LDLRAD4: variants seen among roughly 807,000 people sequenced by gnomAD.
LDLRAD4 encodes low-density lipoprotein receptor class A domain-containing protein 4.
A neutral mutation model predicts 17.0 loss-of-function variants in LDLRAD4; 5 were observed. The observed-to-expected ratio is 0.29, with a 90% CI of 0.15 to 0.62. LDLRAD4 has a LOEUF of 0.62. Among genes scored for constraint, LDLRAD4 ranks in the 20% least tolerant of loss-of-function variants. LDLRAD4 has a pLI of 0.84. For synonymous variants in LDLRAD4, 168 were observed against 171.8 expected, an observed-to-expected ratio of 0.98 and a Z score of 0.17; for missense variants, 340 against 424.7, an observed-to-expected ratio of 0.80 and a Z score of 1.75.
At chr18:13,329,309 C>T (rs182022845) in intron 1 of LDLRAD4, among the ~76,000 whole-genome samples, 2 of 152,278 alleles carry the variant, frequency 1.3e-5, no homozygotes, top group Non-Finnish European at 2.9e-5. Context: ...GCATCTTTGC[C>T]AACAGAGCAT....
intron 1 of LDLRAD4, among the ~76,000 whole-genome samples, chr18:13,281,772 T>C (rs2045292980): frequency 6.6e-6 from 1 of 152,174 alleles, no homozygotes. Flanking sequence ...ATGTCTCCTC[T>C]TACCTCCTGT....
chr18:13,341,699 G>T (rs1257926488), intron 1 of LDLRAD4, among the ~76,000 whole-genome samples: 1 of 152,000 alleles, frequency 6.6e-6, no homozygotes, highest in African/African-American at 2.4e-5. Flanking sequence ...ACTTTACTTT[G>T]TTCTTTCTGA....
At chr18:13,608,253 C>T (rs1287004267) in intron 3 of LDLRAD4, among the ~76,000 whole-genome samples, 1 of 151,932 alleles carries the variant, frequency 6.6e-6, no homozygotes, top group Admixed American at 6.6e-5. Context: ...ACGGCGATCA[C>T]TATTTCTAAT....
chr18:13,505,753 GC>G (rs1252193530), intron 3 of LDLRAD4, among the ~76,000 whole-genome samples: 2 of 152,134 alleles, frequency 1.3e-5, no homozygotes, highest in Non-Finnish European at 2.9e-5. Context: ...GGGAGGCGGA[GC>G]TTGCAGTGAG....
chr18:13,616,478 C>T (rs1044204404), intron 3 of LDLRAD4, among the ~76,000 whole-genome samples: 1 of 152,230 alleles, frequency 6.6e-6, no homozygotes. Flanking sequence ...GTTCTGGCTC[C>T]TGTGACTTAA....
chr18:13,379,246 T>C, intron 1 of LDLRAD4, among the ~76,000 whole-genome samples: 1 of 152,330 alleles, frequency 6.6e-6, no homozygotes, highest in Middle Eastern at 3.4e-3. Context: ...TGAAACAGTG[T>C]GGGGCTGGGC....
intron 2 of LDLRAD4, among the ~76,000 whole-genome samples, chr18:13,410,077 G>A (rs112080035): frequency 2.0e-5 from 3 of 152,080 alleles, no homozygotes; most frequent in African/African-American, 7.2e-5. Flanking sequence ...ATAAGACACC[G>A]CACAGACCCA....
At chr18:13,583,399 T>C (rs2094891879) in intron 3 of LDLRAD4, among the ~76,000 whole-genome samples, 1 of 152,106 alleles carries the variant, frequency 6.6e-6, no homozygotes, top group African/African-American at 2.4e-5. Context: ...GACTGACTTT[T>C]GTTACCGAGA....
chr18:13,391,941 A>G (rs1182288550), intron 2 of LDLRAD4, among the ~76,000 whole-genome samples: 2 of 152,346 alleles, frequency 1.3e-5, no homozygotes, highest in East Asian at 3.9e-4. Flanking sequence ...GTTGTTGGAT[A>G]GTCCACTTTT....
intron 3 of LDLRAD4, among the ~76,000 whole-genome samples, chr18:13,589,775 G>A (rs2094985886): frequency 1.3e-5 from 2 of 152,206 alleles, no homozygotes; most frequent in South Asian, 4.1e-4. Flanking sequence ...GGAGAAGAGG[G>A]TTTGGGAGGA....
In LDLRAD4 at chr18:13,398,891, C is replaced by T. The variant is rs1049030165; in HGVS notation, c.40+11129C>T. On this transcript the variant is annotated intron_variant, in intron 2 of 5. Transcript: ENST00000359446. The surrounding 1 kb of genome is among the most constrained non-coding windows in gnomAD (Gnocchi z 4.8). ...CATTGGTTCCAGTATTGTGTCCACT[C>T]TCATGGAGTATGCTCGTGCGCAGAG... Among the ~76,000 whole-genome samples, 3 of 152,198 alleles carry T rather than the reference C, an allele frequency of 2.0e-5. No individual in the cohort carries two copies. The highest frequency in any genetic ancestry group is 7.2e-5 in the African/African-American group (3 of 41,454).
At chr18:13,256,519 T>G (rs910231528) in intron 1 of LDLRAD4, among the ~76,000 whole-genome samples, 1 of 152,202 alleles carries the variant, frequency 6.6e-6, no homozygotes, top group Non-Finnish European at 1.5e-5. Flanking sequence ...TAGGACAGTT[T>G]TAAAACATTC....
rs2040629814 is a variant in LDLRAD4 at position 13,621,531 on chromosome 18, A to T, written c.336+260A>T. On this transcript the variant is annotated intron_variant, in intron 4 of 5. Transcript: ENST00000359446. The surrounding 1 kb of genome is among the most constrained non-coding windows in gnomAD (Gnocchi z 5.5). ...GTCTCCCCTGGATCTTTGCTGCCCGACGTGGCTTTGCCAGCTTCTGAGCTG... is the reference window on the plus strand; with the variant it reads ...GTCTCCCCTGGATCTTTGCTGCCCGTCGTGGCTTTGCCAGCTTCTGAGCTG... Among the ~76,000 whole-genome samples, 4 of 152,256 alleles carry T rather than the reference A, an allele frequency of 2.6e-5. No homozygotes were observed. The South Asian group carries it at 8.3e-4, about 32-fold the overall frequency.
At chr18:13,247,480 C>G (rs2043013450) in intron 1 of LDLRAD4, among the ~76,000 whole-genome samples, 1 of 152,176 alleles carries the variant, frequency 6.6e-6, no homozygotes. Flanking sequence ...TTGCATCTAA[C>G]CACTGCTTTT....
At chr18:13,615,886 C>T (rs2148760291) in intron 3 of LDLRAD4, 1 of 152,312 alleles carries the variant, frequency 6.6e-6, no homozygotes. Context: ...ACATCTGTTA[C>T]TGTTGAACAA....
chr18:13,501,594 T>A (rs78776784), intron 3 of LDLRAD4, among the ~76,000 whole-genome samples: 1 of 152,206 alleles, frequency 6.6e-6, no homozygotes, highest in East Asian at 1.9e-4. Context: ...CTTTTTTTTT[T>A]TGCAGAATCT....
Position 13,502,569 on chromosome 18 carries a change from C to T in LDLRAD4, c.181+64185C>T, listed in dbSNP as rs1026452342. On this transcript the variant is annotated intron_variant, in intron 3 of 5. Coordinates refer to ENST00000359446, the Ensembl canonical transcript of LDLRAD4. ...TCTTAATTATTTGTCGACTCTTTAT[C>T]GAAGAAAAAAGTAAGTAGGGGAAAA... Among the ~76,000 whole-genome samples, 13 of 152,044 alleles carry T rather than the reference C, an allele frequency of 8.6e-5. No individual in the cohort carries two copies. The South Asian group carries it at 1.0e-3, about 12-fold the overall frequency.
At chr18:13,381,868 A>G (rs559729595) in intron 1 of LDLRAD4, among the ~76,000 whole-genome samples, 2 of 152,326 alleles carry the variant, frequency 1.3e-5, no homozygotes, top group Admixed American at 6.5e-5. Context: ...GCTCTCAAAC[A>G]TGGTCATTTT....
intron 3 of LDLRAD4, among the ~76,000 whole-genome samples, chr18:13,448,102 A>G (rs990438505): frequency 6.6e-6 from 1 of 152,210 alleles, no homozygotes; most frequent in Non-Finnish European, 1.5e-5. Context: ...GGACAGTTGT[A>G]GGATGATAAC....
Sources: allele counts gnomAD v4.1 joint callset (sites outside exome capture counted in the v4.1 genomes callset), GRCh38; gene constraint gnomAD v4.1.1; non-coding constraint Gnocchi (gnomAD v3.1); transcripts MANE v1.5; gene names NCBI Gene and HGNC (gene_info 2026-07-23, HGNC 2026-07-21).